The following RNF212B variants were observed in gnomAD, a reference collection of about 807,000 sequenced individuals.
RNF212B encodes E3 ubiquitin-protein ligase RNF212B.
Under a neutral mutation model 55.5 loss-of-function variants are expected in RNF212B, and 52 were observed. The ratio of observed to expected loss-of-function variants is 0.94; its 90% CI spans 0.75 to 1.18. The LOEUF is 1.18. Among genes scored for constraint, RNF212B ranks in the 50% most tolerant of loss-of-function variants. The probability of loss-of-function intolerance (pLI) is 0.00; values close to 1 mark genes in which losing one functional copy is unlikely to be tolerated. For synonymous variants in RNF212B, 99 were observed against 121.4 expected, an observed-to-expected ratio of 0.82 and a Z score of 1.21; for missense variants, 289 against 350.4, an observed-to-expected ratio of 0.82 and a Z score of 1.40.
intron 2 of RNF212B, among the ~76,000 whole-genome samples, chr14:23,217,780 C>T (rs1566404523): frequency 6.6e-6 from 1 of 151,988 alleles, no homozygotes; most frequent in Non-Finnish European, 1.5e-5. Flanking sequence ...CACAAACAAG[C>T]CCAGACCACG....
intron 2 of RNF212B, among the ~76,000 whole-genome samples, chr14:23,231,215 C>T (rs1053984024): frequency 1.3e-5 from 2 of 152,048 alleles, no homozygotes; most frequent in Non-Finnish European, 2.9e-5. Flanking sequence ...CTATTGTAAA[C>T]AATATTAAGT....
At chr14:23,259,183 ACT>A (rs1885092861) in intron 5 of RNF212B, among the ~76,000 whole-genome samples, 1 of 143,394 alleles carries the variant, frequency 7.0e-6, no homozygotes, top group Non-Finnish European at 1.5e-5. Context: ...AAAGTGAGAC[ACT>A]GTCTCAAAAA....
chr14:23,213,336 G>A (rs751599565), intron 2 of RNF212B, among the ~76,000 whole-genome samples: 2 of 151,510 alleles, frequency 1.3e-5, no homozygotes, highest in Non-Finnish European at 1.5e-5. Context: ...ATTATAAAAC[G>A]TTACTGAGAG....
intron 2 of RNF212B, among the ~76,000 whole-genome samples, chr14:23,194,758 C>CAA (rs1474355826): frequency 1.4e-5 from 1 of 70,244 alleles, no homozygotes; most frequent in African/African-American, 4.4e-5. Context: ...AAAAAAAAAA[C>CAA]AACGCTGCTG....
At chr14:23,194,756 A>AC (rs1491167278) in intron 2 of RNF212B, among the ~76,000 whole-genome samples, 93 of 144,686 alleles carry the variant, frequency 6.4e-4, no homozygotes, top group Non-Finnish European at 1.2e-3. Flanking sequence ...AAAAAAAAAA[A>AC]ACAACGCTGC....
At chr14:23,234,297 C>CGTGT (rs368094093), upstream of RNF212B, among the ~76,000 whole-genome samples, 1 of 148,752 alleles carries the variant, frequency 6.7e-6, no homozygotes, top group East Asian at 1.9e-4. Context: ...CTTTACTTTT[C>CGTGT]GTGTGTGTGT....
intron 2 of RNF212B, among the ~76,000 whole-genome samples, chr14:23,198,108 G>A (rs1452394447): frequency 6.6e-6 from 1 of 152,166 alleles, no homozygotes; most frequent in African/African-American, 2.4e-5. Context: ...GGATGTGTAC[G>A]TGCAAGTCAC....
At chr14:23,263,030 T>G in intron 9 of RNF212B, 60 bp downstream of exon 9, 2 of 1,405,904 alleles carry the variant, frequency 1.4e-6, no homozygotes, top group Non-Finnish European at 2.0e-6. Context: ...AAGAAATATC[T>G]AGTTGTAGCT....
intron 2 of RNF212B, among the ~76,000 whole-genome samples, chr14:23,212,225 CA>C (rs1566400340): frequency 6.6e-6 from 1 of 152,176 alleles, no homozygotes; most frequent in Non-Finnish European, 1.5e-5. Context: ...AAGACTAACA[CA>C]AGGATGTCTG....
At chr14:23,254,750 CGTCTT>C (rs1884691762) in intron 4 of RNF212B, among the ~76,000 whole-genome samples, 1 of 152,082 alleles carries the variant, frequency 6.6e-6, no homozygotes, top group African/African-American at 2.4e-5. Flanking sequence ...TGGACCAAAA[CGTCTT>C]GTCTTATCAT....
At chr14:23,257,417 A>G (rs17183940) in intron 4 of RNF212B, among the ~76,000 whole-genome samples, 25,498 of 152,208 alleles carry the variant, frequency 0.17, 2,487 homozygotes, top group South Asian at 0.25. Context: ...ATTCTTATCT[A>G]TCTAAAACTA....
chr14:23,193,571 A>T (rs898364215), intron 2 of RNF212B, among the ~76,000 whole-genome samples: 3 of 152,154 alleles, frequency 2.0e-5, no homozygotes, highest in African/African-American at 4.8e-5. Context: ...GGAACATAGT[A>T]CCCAGGGGGC....
rs192565384 is a variant in RNF212B at position 23,221,190 on chromosome 14, G to C, written c.-1-19155G>C. Among the ~76,000 whole-genome samples, 1,292 of 149,600 alleles carry C rather than the reference G, an allele frequency of 8.6e-3. 25 individuals are homozygous for C. Among genetic ancestry groups the C allele is most frequent in the African/African-American group, 0.03 (1,220 of 40,666 alleles). On this transcript the variant is annotated intron_variant, in intron 2 of 15. Coordinates refer to the RNF212B transcript ENST00000399910. Reference sequence around the variant, plus strand: ...TCACTTGAGGTCAGGAGTTTGAGACGAGCCTGGCCAGCATGGTGAAACCCT... The same window carrying C: ...TCACTTGAGGTCAGGAGTTTGAGACCAGCCTGGCCAGCATGGTGAAACCCT...
intron 2 of RNF212B, among the ~76,000 whole-genome samples, chr14:23,229,262 A>ATATATAT: frequency 8.6e-6 from 1 of 116,168 alleles, no homozygotes; most frequent in African/African-American, 3.4e-5. Context: ...ATATATATAT[A>ATATATAT]CCACATTGTT....
At position 23,262,721 on chromosome 14, in the gene RNF212B, A is replaced by T; in HGVS notation, c.481+10A>T. ...TCCCCATCACAGTCAGGTGGAGAAC[A>T]TTTTTCCCCTAAATATCTGTGTGAG... On this transcript the variant is annotated intron_variant, in intron 8 of 14. Transcript: ENST00000430154. 6.5e-7 allele frequency: 1 copy of T among 1,549,834 alleles called. No homozygotes were observed. The highest frequency in any genetic ancestry group is 8.7e-7 in the Non-Finnish European group (1 of 1,146,490).
intron 9 of RNF212B, among the ~76,000 whole-genome samples, chr14:23,263,276 G>C (rs183811370): frequency 8.5e-5 from 13 of 152,302 alleles, no homozygotes; most frequent in African/African-American, 2.9e-4. Flanking sequence ...GCTCCGAACA[G>C]GGAAAGTTGA....
At chr14:23,265,046 C>G (rs1200784997) in intron 11 of RNF212B, among the ~76,000 whole-genome samples, 1 of 152,184 alleles carries the variant, frequency 6.6e-6, no homozygotes, top group Non-Finnish European at 1.5e-5. Flanking sequence ...ATCTCGAACT[C>G]CTGACCTCAG....
At chr14:23,193,961 C>T (rs1429067526) in intron 2 of RNF212B, among the ~76,000 whole-genome samples, 1 of 152,154 alleles carries the variant, frequency 6.6e-6, no homozygotes, top group Non-Finnish European at 1.5e-5. Flanking sequence ...CCTGCCTCAG[C>T]CTCCCAAGTA....
chr14:23,232,178 C>T (rs1304362241), intron 2 of RNF212B, among the ~76,000 whole-genome samples: 2 of 152,016 alleles, frequency 1.3e-5, no homozygotes, highest in Non-Finnish European at 1.5e-5. Flanking sequence ...TCCCCGCCGC[C>T]ATCCCGTCTA....
Sources: allele counts gnomAD v4.1 joint callset (sites outside exome capture counted in the v4.1 genomes callset), GRCh38; gene constraint gnomAD v4.1.1; transcripts MANE v1.5; gene names NCBI Gene and HGNC (gene_info 2026-07-23, HGNC 2026-07-21).